PCLO: variants seen among roughly 807,000 people sequenced by gnomAD.
PCLO encodes the protein protein piccolo.
In PCLO, 82 loss-of-function variants were observed where a neutral mutation model predicts 427.5. That is an observed-to-expected ratio of 0.19 (90% CI 0.16 to 0.23). The LOEUF (loss-of-function observed/expected upper bound fraction) is 0.23, where lower values mean the gene tolerates loss of function less well. Ranked by LOEUF, PCLO falls within the 10% of genes least tolerant of loss-of-function variation. The pLI, the probability that PCLO is intolerant of heterozygous loss-of-function variation, is 1.00. For missense variants in PCLO, 6,239 were observed against 6,115.9 expected, an observed-to-expected ratio of 1.02 and a Z score of -0.67; for synonymous variants, 2,357 against 2,155.4, an observed-to-expected ratio of 1.09 and a Z score of -2.59.
At chr7:82,963,237 G>A (rs1190899143) in intron 4 of PCLO, among the ~76,000 whole-genome samples, 1 of 151,920 alleles carries the variant, frequency 6.6e-6, no homozygotes, top group African/African-American at 2.4e-5. Flanking sequence ...TATCATGTCT[G>A]CTTATTTAAC....
chr7:82,855,344 T>C (rs1156535355), intron 10 of PCLO, among the ~76,000 whole-genome samples: 1 of 152,078 alleles, frequency 6.6e-6, no homozygotes, highest in African/African-American at 2.4e-5. Context: ...AGAATGGTAG[T>C]ACAGAAATAT....
At chr7:82,875,462 C>CT (rs74474587) in intron 10 of PCLO, among the ~76,000 whole-genome samples, 9,623 of 151,982 alleles carry the variant, frequency 0.063, 434 homozygotes, top group East Asian at 0.21. Context: ...GAATAAAAAT[C>CT]TTTTTTTCAA....
intron 3 of PCLO, among the ~76,000 whole-genome samples, chr7:83,038,606 CA>C (rs1788892018): frequency 6.6e-6 from 1 of 151,960 alleles, no homozygotes; most frequent in African/African-American, 2.4e-5. Flanking sequence ...GAACAGATCA[CA>C]CTTTGTTCAT....
intron 6 of PCLO, among the ~76,000 whole-genome samples, chr7:82,923,055 G>A (rs983438377): frequency 7.9e-5 from 12 of 151,920 alleles, no homozygotes; most frequent in Non-Finnish European, 1.2e-4. Flanking sequence ...CTGTAAACAA[G>A]ATATTTTGAT....
chr7:83,103,202 T>C (rs1790777230), intron 3 of PCLO, among the ~76,000 whole-genome samples: 2 of 151,960 alleles, frequency 1.3e-5, no homozygotes, highest in African/African-American at 2.4e-5. Flanking sequence ...TTTGAGAAGA[T>C]GCACTAACTG....
At chr7:82,821,057 C>G (rs1417712553) in intron 20 of PCLO, 1 of 1,148,824 alleles carries the variant, frequency 8.7e-7, no homozygotes, top group African/African-American at 1.6e-5. Flanking sequence ...AAGATGAGAG[C>G]TTTAAATTTG....
chr7:82,847,608 T>C (rs1016205104), intron 10 of PCLO, among the ~76,000 whole-genome samples: 1 of 152,160 alleles, frequency 6.6e-6, no homozygotes, highest in Non-Finnish European at 1.5e-5. Context: ...AACCCCAATA[T>C]AATTTTCCTG....
chr7:82,955,169 G>A lies in PCLO; in HGVS notation c.5784C>T (p.Tyr1928=). The part of the protein sequence containing the change: ...YEEMMHKTHK[Y]KAFPAANERD... ...GTTCATTTGCAGCTGGAAAAGCTTT[G>A]TATTTGTGTGTTTTATGCATCATTT... is the stretch of plus-strand genomic sequence containing the variant. The change falls in exon 5 of 25, where the codon TAC becomes TAT. Residue 1928 remains tyrosine (Y), a synonymous_variant. Coordinates refer to ENST00000333891, the MANE Select transcript of PCLO (RefSeq NM_033026.6). 1 of 1,613,736 alleles carries A rather than the reference G, an allele frequency of 6.2e-7. No homozygotes were observed. The highest frequency in any genetic ancestry group is 1.1e-5 in the South Asian group (1 of 91,074).
chr7:83,146,822 G>A (rs1353451372), intron 2 of PCLO, among the ~76,000 whole-genome samples: 2 of 151,832 alleles, frequency 1.3e-5, no homozygotes, highest in East Asian at 1.9e-4. Context: ...GGCTGATCTC[G>A]AACTCCTGAC....
At chr7:83,050,227 A>AAAAACCAAAAACAAAAAC (rs1789206780) in intron 3 of PCLO, among the ~76,000 whole-genome samples, 1 of 85,648 alleles carries the variant, frequency 1.2e-5, no homozygotes, top group African/African-American at 3.8e-5. Context: ...AAAAAAAAAA[A>AAAAACCAAAAACAAAAAC]AAAAAAAAAA....
chr7:83,000,815 A>G (rs1787804796), intron 3 of PCLO, among the ~76,000 whole-genome samples: 1 of 152,090 alleles, frequency 6.6e-6, no homozygotes, highest in Admixed American at 6.6e-5. Flanking sequence ...ATCAAAAAGG[A>G]ATAAGTGAAG....
intron 10 of PCLO, among the ~76,000 whole-genome samples, chr7:82,853,957 G>C (rs1447068671): frequency 6.6e-6 from 1 of 152,118 alleles, no homozygotes; most frequent in Non-Finnish European, 1.5e-5. Flanking sequence ...TTTTTGAGCT[G>C]AAGGTTTATA....
In PCLO at chr7:82,950,111, G is replaced by C; in HGVS notation, c.10477C>G (p.Arg3493Gly). The change falls in exon 6 of 25, where the codon CGT (arginine) becomes GGT (glycine). Residue 3493 changes from arginine to glycine, a missense_variant. Arg to Gly is a moderately radical substitution (Grantham distance 125, BLOSUM62 -2). Around this residue, in one of 5 missense-constraint regions of PCLO, gnomAD observed 4,677 missense variants for 4,468.4 expected, o/e 1.05. Coordinates refer to ENST00000333891, the MANE Select transcript of PCLO (RefSeq NM_033026.6). ...DMPTRSRRKARVGKYGDSMTE... is the reference protein window; with the variant it reads ...DMPTRSRRKAGVGKYGDSMTE... Reference sequence around the variant, plus strand: ...ATGCTGTCACCATATTTCCCTACACGAGCTTTCCTCCTTGATCTAGTAGGC... The same window carrying C: ...ATGCTGTCACCATATTTCCCTACACCAGCTTTCCTCCTTGATCTAGTAGGC... The C allele has an allele frequency of 6.2e-7, 1 of 1,610,070 alleles. No individual in the cohort carries two copies. The highest frequency in any genetic ancestry group is 8.5e-7 in the Non-Finnish European group (1 of 1,179,200).
intron 3 of PCLO, among the ~76,000 whole-genome samples, chr7:83,098,812 T>G (rs940848816): frequency 2.6e-5 from 4 of 152,138 alleles, no homozygotes; most frequent in African/African-American, 4.8e-5. Context: ...GGTGTTATAC[T>G]ATGTCTCTTG....
intron 3 of PCLO, among the ~76,000 whole-genome samples, chr7:83,111,612 C>T (rs1351347202): frequency 2.6e-5 from 4 of 152,198 alleles, no homozygotes; most frequent in Admixed American, 1.3e-4. Context: ...ATTCCTACAA[C>T]CACAGTAACT....
In PCLO at chr7:82,964,198, A is replaced by G. The variant is rs2115643918; in HGVS notation, c.4017+1573T>C. On this transcript the variant is annotated intron_variant, in intron 4 of 24. Transcript: ENST00000333891. ...CCCTGAGGAACAGGAGTTAATAGAC[A>G]GAAGTGTGATACCTTCATTGTGGAG... Among the ~76,000 whole-genome samples, 3 of 152,302 alleles carry G rather than the reference A, an allele frequency of 2.0e-5. No individual in the cohort carries two copies. The Middle Eastern group carries it at 0.01, about 518-fold the overall frequency.
chr7:83,117,603 C>T (rs904068114), intron 3 of PCLO, among the ~76,000 whole-genome samples: 1 of 152,142 alleles, frequency 6.6e-6, no homozygotes, highest in Admixed American at 6.6e-5. Flanking sequence ...GTGGATTCTA[C>T]AAGCTGAGTG....
chr7:83,131,037 A>T lies in PCLO; in HGVS notation c.3300+3213T>A, dbSNP rs116111550. Among the ~76,000 whole-genome samples, 1,414 of 152,332 alleles carry T rather than the reference A, an allele frequency of 9.3e-3. 18 individuals carry two copies. The highest frequency in any genetic ancestry group is 0.031 in the African/African-American group (1,273 of 41,574). ...GTAATTCTGACTCATTTTGAATTTG[A>T]TTACCAGAATGACAAAAAATTCACT... is the stretch of plus-strand genomic sequence containing the variant. On this transcript the variant is annotated intron_variant, in intron 3 of 24. Coordinates refer to ENST00000333891, the MANE Select transcript of PCLO (RefSeq NM_033026.6).
At chr7:83,094,208 T>TCTG (rs1416297682) in intron 3 of PCLO, among the ~76,000 whole-genome samples, 1 of 109,896 alleles carries the variant, frequency 9.1e-6, no homozygotes, top group Non-Finnish European at 1.9e-5. Context: ...TGATTTTTTT[T>TCTG]TCTTTTTTTT....
Sources: allele counts gnomAD v4.1 joint callset (sites outside exome capture counted in the v4.1 genomes callset), GRCh38; gene constraint gnomAD v4.1.1; regional missense constraint gnomAD v4.1.1; transcripts MANE v1.5; gene names NCBI Gene and HGNC (gene_info 2026-07-23, HGNC 2026-07-21).